CEP83: variants seen among roughly 807,000 people sequenced by gnomAD.
The protein encoded by CEP83 is centrosomal protein of 83 kDa.
In CEP83, 70 loss-of-function variants were observed where a neutral mutation model predicts 101.9. The ratio of observed to expected loss-of-function variants is 0.69; its 90% CI spans 0.57 to 0.84. CEP83 has a LOEUF of 0.84. Among genes scored for constraint, CEP83 ranks in the 40% least tolerant of loss-of-function variants. The pLI, the probability that CEP83 is intolerant of heterozygous loss-of-function variation, is 0.00. For missense variants in CEP83, 715 were observed against 787.2 expected (o/e 0.91, Z 1.10); for synonymous variants, 264 against 267.9 (o/e 0.99, Z 0.14).
chr12:94,410,285 A>T (rs1473564654), intron 4 of CEP83, among the ~76,000 whole-genome samples: 1 of 152,216 alleles, frequency 6.6e-6, no homozygotes, highest in Non-Finnish European at 1.5e-5. Flanking sequence ...TACTATGTGG[A>T]AAGTATGGCA....
intron 11 of CEP83, among the ~76,000 whole-genome samples, chr12:94,350,095 C>T (rs1434904107): frequency 2.0e-5 from 3 of 152,114 alleles, no homozygotes; most frequent in Non-Finnish European, 4.4e-5. Flanking sequence ...AGAATCAATG[C>T]AATTGCTATC....
At chr12:94,447,259 A>G (rs1272405185) in intron 1 of CEP83, among the ~76,000 whole-genome samples, 1 of 152,186 alleles carries the variant, frequency 6.6e-6, no homozygotes, top group East Asian at 1.9e-4. Flanking sequence ...CATGCCTGTA[A>G]TCCCAGCACT....
intron 6 of CEP83, among the ~76,000 whole-genome samples, chr12:94,387,057 T>G (rs1028341065): frequency 1.3e-5 from 2 of 152,218 alleles, no homozygotes; most frequent in Non-Finnish European, 2.9e-5. Flanking sequence ...GCTAGCCATA[T>G]GCAAAGGAAT....
chr12:94,268,758 C>T, the CEP83 span, among the ~76,000 whole-genome samples: 1 of 151,854 alleles, frequency 6.6e-6, no homozygotes, highest in African/African-American at 2.4e-5. Context: ...TCATGCCAGG[C>T]TAATGCTTGT....
At chr12:94,383,935 T>C (rs1225611032) in intron 6 of CEP83, among the ~76,000 whole-genome samples, 1 of 152,164 alleles carries the variant, frequency 6.6e-6, no homozygotes, top group Non-Finnish European at 1.5e-5. Flanking sequence ...TTTCTCTATA[T>C]ATTTAGAACC....
At chr12:94,437,791 C>T (rs182033107) in intron 1 of CEP83, among the ~76,000 whole-genome samples, 1 of 152,262 alleles carries the variant, frequency 6.6e-6, no homozygotes, top group East Asian at 1.9e-4. Context: ...AAGCATAAAT[C>T]TCACAAGACC....
At chr12:94,286,022 C>A in the CEP83 span, among the ~76,000 whole-genome samples, 1 of 152,178 alleles carries the variant, frequency 6.6e-6, no homozygotes, top group Non-Finnish European at 1.5e-5. Flanking sequence ...AGAACCACCA[C>A]AGCTGTCTGC....
chr12:94,303,502 T>G (rs1968671709), downstream of CEP83, among the ~76,000 whole-genome samples: 1 of 152,152 alleles, frequency 6.6e-6, no homozygotes, highest in Non-Finnish European at 1.5e-5. Context: ...AGTTCTTTTA[T>G]GAGAGGAAGG....
intron 1 of CEP83, among the ~76,000 whole-genome samples, chr12:94,441,582 A>T (rs1422267019): frequency 6.6e-6 from 1 of 152,242 alleles, no homozygotes; most frequent in Admixed American, 6.5e-5. Context: ...AAGGTAAACT[A>T]GTACAACCAC....
chr12:94,437,752 C>G (rs944928729), intron 1 of CEP83, among the ~76,000 whole-genome samples: 1 of 152,200 alleles, frequency 6.6e-6, no homozygotes, highest in East Asian at 1.9e-4. Flanking sequence ...TTGAAACAAT[C>G]TCAAAACATC....
intron 2 of CEP83, chr12:94,423,946 G>A: frequency 1.2e-6 from 2 of 1,612,480 alleles, no homozygotes; most frequent in East Asian, 2.2e-5. Context: ...CCAGTTGCTG[G>A]GTAAGGGGTC....
chr12:94,341,735 AG>A (rs1331355915), intron 11 of CEP83, among the ~76,000 whole-genome samples: 1 of 152,234 alleles, frequency 6.6e-6, no homozygotes, highest in African/African-American at 2.4e-5. Flanking sequence ...GAAAAGCTAA[AG>A]GAATGAAAGC....
the CEP83 span, among the ~76,000 whole-genome samples, chr12:94,293,566 G>A: frequency 2.0e-5 from 3 of 152,182 alleles, no homozygotes; most frequent in Admixed American, 6.5e-5. Flanking sequence ...CCGTCTTCTT[G>A]TATCCTTGTG....
At chr12:94,309,864 A>G in intron 16 of CEP83, 54 bp downstream of exon 16, 1 of 1,202,178 alleles carries the variant, frequency 8.3e-7, no homozygotes, top group Non-Finnish European at 1.1e-6. Context: ...TTTAAACATA[A>G]AAACCTACAA....
intron 1 of CEP83, among the ~76,000 whole-genome samples, chr12:94,439,765 T>G (rs572809620): frequency 6.6e-6 from 1 of 152,220 alleles, no homozygotes; most frequent in African/African-American, 2.4e-5. Flanking sequence ...CCAATATCCC[T>G]GATGAACATA....
chr12:94,403,286 A>G, intron 4 of CEP83, 24 bp from the exon 5 acceptor site: 2 of 1,009,304 alleles, frequency 2.0e-6, no homozygotes, highest in Non-Finnish European at 3.1e-6. Context: ...AAATGCAAAC[A>G]ATATAAAATC....
chr12:94,379,337 T>A (rs1286224764), intron 6 of CEP83, among the ~76,000 whole-genome samples: 2 of 152,148 alleles, frequency 1.3e-5, no homozygotes, highest in African/African-American at 4.8e-5. Flanking sequence ...TAAACATACA[T>A]CAAGTATTTT....
intron 14 of CEP83, among the ~76,000 whole-genome samples, chr12:94,324,951 C>T (rs1565911870): frequency 6.6e-6 from 1 of 152,188 alleles, no homozygotes; most frequent in Non-Finnish European, 1.5e-5. Context: ...TACTATACCT[C>T]TTTCTATTCT....
At chr12:94,297,246 C>T in the CEP83 span, 9 of 1,613,770 alleles carry the variant, frequency 5.6e-6, no homozygotes, top group African/African-American at 1.1e-4. Flanking sequence ...CTTGTGCTCA[C>T]CACTGAACTG....
Sources: allele counts gnomAD v4.1 joint callset (sites outside exome capture counted in the v4.1 genomes callset), GRCh38; gene constraint gnomAD v4.1.1; transcripts MANE v1.5; gene names NCBI Gene and HGNC (gene_info 2026-07-23, HGNC 2026-07-21).